WDR27: variants seen among roughly 807,000 people sequenced by gnomAD.
WDR27 encodes the protein WD repeat-containing protein 27.
In WDR27, 100 loss-of-function variants were observed where a neutral mutation model predicts 114.4. The ratio of observed to expected loss-of-function variants is 0.87; its 90% CI spans 0.74 to 1.03. WDR27 has a LOEUF of 1.03. Ranked by LOEUF, WDR27 falls within the 50% of genes least tolerant of loss-of-function variation. WDR27 has a pLI of 0.00. For synonymous variants in WDR27, 449 were observed against 423.1 expected (o/e 1.06, Z -0.75); for missense variants, 1,129 against 1,092.9 (o/e 1.03, Z -0.47).
intron 6 of WDR27, 64 bp from the exon 7 acceptor site, chr6:169,665,620 T>A: frequency 6.8e-7 from 1 of 1,478,452 alleles, no homozygotes; most frequent in Non-Finnish European, 9.3e-7. Context: ...ACCCGAGAAC[T>A]GTCAGTTTTA....
At chr6:169,690,290 C>G (rs551504848) in intron 1 of WDR27, among the ~76,000 whole-genome samples, 1 of 152,356 alleles carries the variant, frequency 6.6e-6, no homozygotes, top group South Asian at 2.1e-4. Flanking sequence ...AAAAATCCAC[C>G]CGTGTGCTCC....
At chr6:169,482,919 C>T (rs980651323) in intron 25 of WDR27, among the ~76,000 whole-genome samples, 7 of 152,138 alleles carry the variant, frequency 4.6e-5, no homozygotes, top group African/African-American at 1.7e-4. Flanking sequence ...ATTAATCAAC[C>T]TGCTCCTGAA....
chr6:169,636,055 T>C (rs1374047205), intron 19 of WDR27, among the ~76,000 whole-genome samples: 1 of 152,252 alleles, frequency 6.6e-6, no homozygotes, highest in East Asian at 1.9e-4. Context: ...CAGTTCATAA[T>C]TTAACTTTAT....
intron 25 of WDR27, among the ~76,000 whole-genome samples, chr6:169,565,795 G>T (rs978608472): frequency 2.0e-5 from 3 of 152,182 alleles, no homozygotes; most frequent in African/African-American, 7.2e-5. Flanking sequence ...GGGACTACAG[G>T]CATGAGCCAC....
chr6:169,529,324 G>GGGC (rs1795322517), intron 25 of WDR27, among the ~76,000 whole-genome samples: 2 of 125,176 alleles, frequency 1.6e-5, no homozygotes, highest in African/African-American at 2.9e-5. Context: ...GGGGGGGGGG[G>GGGC]CAGCTAATGC....
intron 21 of WDR27, among the ~76,000 whole-genome samples, chr6:169,616,261 G>T (rs113432064): frequency 0.041 from 6,313 of 152,250 alleles, 162 homozygotes; most frequent in Non-Finnish European, 0.064. Flanking sequence ...AGGCCAAGGC[G>T]GGCGGATCAC....
chr6:169,452,256 C>G (rs1054846603), downstream of WDR27, among the ~76,000 whole-genome samples: 1 of 152,226 alleles, frequency 6.6e-6, no homozygotes, highest in African/African-American at 2.4e-5. Flanking sequence ...GCGGCTGGAA[C>G]GAACCCAGAC....
chr6:169,687,163 G>A (rs576189009), intron 2 of WDR27, among the ~76,000 whole-genome samples: 1 of 152,202 alleles, frequency 6.6e-6, no homozygotes, highest in South Asian at 2.1e-4. Flanking sequence ...ACAATAAAAA[G>A]ATAAATGTTT....
At chr6:169,648,194 A>G (rs532682355) in intron 15 of WDR27, among the ~76,000 whole-genome samples, 98 of 152,312 alleles carry the variant, frequency 6.4e-4, no homozygotes, top group African/African-American at 2.2e-3. Context: ...GAGAAAATGA[A>G]TTTCACTTTC....
In WDR27 at chr6:169,664,184, C is replaced by T; in HGVS notation, c.886G>A (p.Gly296Arg). The change falls in exon 8 of 26, where the codon GGG becomes AGG. Residue 296 changes from glycine to arginine, a missense_variant. Physicochemically the swap from Gly to Arg is moderately radical, Grantham distance 125. Transcript: ENST00000448612. ...ETFSTRRVKSGLCSQPEESQL... is the reference protein window; with the variant it reads ...ETFSTRRVKSRLCSQPEESQL... ...AACCCACCTGGCTGGCTGCACAGCC[C>T]AGACTTAACCCTTCTTGTGGAGAAA... 6.2e-7 allele frequency: 1 copy of T among 1,603,978 alleles called. No homozygotes were observed. The highest frequency in any genetic ancestry group is 8.5e-7 in the Non-Finnish European group (1 of 1,174,828).
chr6:169,562,939 G>A (rs1219313404), intron 25 of WDR27, among the ~76,000 whole-genome samples: 7 of 152,108 alleles, frequency 4.6e-5, no homozygotes, highest in Admixed American at 2.6e-4. Flanking sequence ...GAAATGCCTG[G>A]CCTGGCTCAG....
chr6:169,529,119 C>T (rs1480403747), intron 25 of WDR27, among the ~76,000 whole-genome samples: 2 of 152,088 alleles, frequency 1.3e-5, no homozygotes, highest in East Asian at 1.9e-4. Context: ...AATTATGGTG[C>T]ACCCACATAA....
intron 22 of WDR27, among the ~76,000 whole-genome samples, chr6:169,610,909 G>C (rs1473796773): frequency 6.6e-6 from 1 of 152,182 alleles, no homozygotes; most frequent in Non-Finnish European, 1.5e-5. Flanking sequence ...CAGGTGGCAG[G>C]TGGGTGAGGA....
intron 25 of WDR27, among the ~76,000 whole-genome samples, chr6:169,495,748 T>C (rs1341858778): frequency 3.3e-5 from 5 of 152,050 alleles, no homozygotes; most frequent in Non-Finnish European, 7.4e-5. Flanking sequence ...CTGAATACAC[T>C]TATCAGTAGT....
In WDR27 at chr6:169,664,747, T is replaced by A. The variant is rs545153024; in HGVS notation, c.784-461A>T. On this transcript the variant is annotated intron_variant, in intron 7 of 25. Coordinates refer to ENST00000448612, the MANE Select transcript of WDR27 (RefSeq NM_182552.5). ...AAACAGCAACTTTATCCAGGCTTTGTGAAATGAACTTAAAAGGCTCACCTA... is the reference window on the plus strand; with the variant it reads ...AAACAGCAACTTTATCCAGGCTTTGAGAAATGAACTTAAAAGGCTCACCTA... 2,599 of 996,320 alleles carry A rather than the reference T, an allele frequency of 2.6e-3. 2 individuals carry two copies. The highest frequency in any genetic ancestry group is 2.9e-3 in the Non-Finnish European group (2,457 of 836,666). The allele number at this position is 996,320 out of a possible 1,614,324, so 61.7% of individuals were successfully genotyped here.
chr6:169,564,901 C>A (rs1800217779), intron 25 of WDR27, among the ~76,000 whole-genome samples: 1 of 152,202 alleles, frequency 6.6e-6, no homozygotes, highest in Non-Finnish European at 1.5e-5. Context: ...CATGCCAACA[C>A]CCATGTGGAC....
intron 14 of WDR27, among the ~76,000 whole-genome samples, chr6:169,649,486 C>A (rs1821683402): frequency 6.6e-6 from 1 of 152,042 alleles, no homozygotes; most frequent in Non-Finnish European, 1.5e-5. Context: ...CCCTGCTACA[C>A]ATTGTCCTGT....
intron 25 of WDR27, among the ~76,000 whole-genome samples, chr6:169,542,421 A>T (rs1796945090): frequency 1.3e-5 from 2 of 152,162 alleles, no homozygotes; most frequent in Admixed American, 6.5e-5. Context: ...ATATCAAAAA[A>T]GTCAAATGAG....
At chr6:169,534,626 G>A (rs1476068521) in intron 25 of WDR27, among the ~76,000 whole-genome samples, 1 of 151,866 alleles carries the variant, frequency 6.6e-6, no homozygotes, top group Non-Finnish European at 1.5e-5. Context: ...AGTAACTCAT[G>A]TCTTTCTAGG....
Sources: allele counts gnomAD v4.1 joint callset (sites outside exome capture counted in the v4.1 genomes callset), GRCh38; gene constraint gnomAD v4.1.1; transcripts MANE v1.5; gene names NCBI Gene and HGNC (gene_info 2026-07-23, HGNC 2026-07-21).